The following CC2D2B variants were observed in gnomAD, a reference collection of about 807,000 sequenced individuals.
CC2D2B encodes protein CC2D2B.
Under a neutral mutation model 161.2 loss-of-function variants are expected in CC2D2B, and 128 were observed. That is an observed-to-expected ratio of 0.79 (90% CI 0.69 to 0.92). The LOEUF (loss-of-function observed/expected upper bound fraction) is 0.92, where lower values mean the gene tolerates loss of function less well. CC2D2B is among the 40% of genes least tolerant of loss of function. CC2D2B has a pLI of 0.00. For synonymous variants in CC2D2B, 391 were observed against 449.8 expected, an observed-to-expected ratio of 0.87 and a Z score of 1.65; for missense variants, 1,173 against 1,375.1, an observed-to-expected ratio of 0.85 and a Z score of 2.32.
intron 1 of CC2D2B, among the ~76,000 whole-genome samples, chr10:95,908,790 T>C (rs915572974): frequency 1.0e-4 from 10 of 100,272 alleles, no homozygotes; most frequent in African/African-American, 3.0e-4. Context: ...AGTACTTGTT[T>C]AGAGCTTCTG....
At chr10:96,004,859 T>C (rs1480933971) in intron 25 of CC2D2B, among the ~76,000 whole-genome samples, 1 of 152,196 alleles carries the variant, frequency 6.6e-6, no homozygotes, top group Non-Finnish European at 1.5e-5. Context: ...TTCCAAATTC[T>C]ATGGCAATGC....
At chr10:95,988,595 C>T (rs1179210305) in intron 20 of CC2D2B, among the ~76,000 whole-genome samples, 3 of 152,152 alleles carry the variant, frequency 2.0e-5, no homozygotes, top group Non-Finnish European at 2.9e-5. Context: ...AAAGACTTCC[C>T]ATCTCTTCTT....
intron 11 of CC2D2B, among the ~76,000 whole-genome samples, chr10:95,955,788 A>G (rs2141376915): frequency 6.6e-6 from 1 of 152,314 alleles, no homozygotes; most frequent in East Asian, 1.9e-4. Context: ...GTGTTAGTAT[A>G]TATTTGAGAA....
At chr10:96,024,788 C>A in intron 32 of CC2D2B, 65 bp from the exon 33 acceptor site, 1 of 941,836 alleles carries the variant, frequency 1.1e-6, no homozygotes, top group Non-Finnish European at 1.6e-6. Flanking sequence ...AGCTGGCATT[C>A]CAGGAGTGAC....
At chr10:95,913,890 C>T (rs2098511047) in intron 2 of CC2D2B, among the ~76,000 whole-genome samples, 1 of 152,082 alleles carries the variant, frequency 6.6e-6, no homozygotes, top group South Asian at 2.1e-4. Context: ...ACATAGTTTG[C>T]ATATATTTTC....
intron 25 of CC2D2B, 104 bp downstream of exon 25, chr10:96,004,352 A>T: frequency 1.6e-6 from 1 of 620,704 alleles, no homozygotes; most frequent in Non-Finnish European, 2.8e-6. Context: ...TGCAATGTCT[A>T]CATCCAACAT....
At chr10:95,989,873 C>T (rs1227636083) in intron 20 of CC2D2B, among the ~76,000 whole-genome samples, 1 of 152,144 alleles carries the variant, frequency 6.6e-6, no homozygotes, top group African/African-American at 2.4e-5. Flanking sequence ...AAGTTTGCTT[C>T]TGGAGGCCTA....
chr10:95,956,233 G>T (rs2141379325), intron 11 of CC2D2B, among the ~76,000 whole-genome samples: 1 of 152,182 alleles, frequency 6.6e-6, no homozygotes, highest in East Asian at 1.9e-4. Context: ...ATTATTCAAA[G>T]ATATAACATT....
chr10:95,924,438 G>C, intron 4 of CC2D2B, 48 bp downstream of exon 4: 3 of 1,017,014 alleles, frequency 2.9e-6, no homozygotes, highest in Non-Finnish European at 4.3e-6. Flanking sequence ...ATTTAAATGA[G>C]ACATTTAACA....
At position 95,994,984 on chromosome 10, in the gene CC2D2B, G is replaced by A. The variant is rs533400425; in HGVS notation, c.2643-285G>A. Among the ~76,000 whole-genome samples the A allele has an allele frequency of 1.9e-4, 29 of 152,180 alleles. No individual in the cohort carries two copies. The South Asian group carries it at 3.3e-3, about 17-fold the overall frequency. The stretch of plus-strand genomic sequence containing the variant: ...ATATATATTTTAATTGACATCCATC[G>A]TGAATAACTTGCCTTTTCTTCCCCT... On this transcript the variant is annotated intron_variant, in intron 22 of 34. Transcript: ENST00000646931.
intron 9 of CC2D2B, among the ~76,000 whole-genome samples, chr10:95,946,292 C>T (rs1172576176): frequency 6.6e-6 from 1 of 152,050 alleles, no homozygotes; most frequent in African/African-American, 2.4e-5. Flanking sequence ...GATATTCCAC[C>T]ACCTCATTTA....
chr10:95,965,794 T>A, intron 12 of CC2D2B, 102 bp from the exon 13 acceptor site: 1 of 333,814 alleles, frequency 3.0e-6, no homozygotes, highest in Non-Finnish European at 4.8e-6. Context: ...TTTGTGTGTG[T>A]GTGTGTGTGT....
At chr10:96,029,738 T>A (rs2079985557) in intron 34 of CC2D2B, among the ~76,000 whole-genome samples, 1 of 151,988 alleles carries the variant, frequency 6.6e-6, no homozygotes, top group African/African-American at 2.4e-5. Flanking sequence ...CCTCACACAA[T>A]AGTTAGGTAT....
intron 10 of CC2D2B, chr10:95,950,589 C>G (rs1179363426): frequency 6.6e-6 from 1 of 152,178 alleles, no homozygotes; most frequent in Non-Finnish European, 1.5e-5. Flanking sequence ...CTCATTTAAA[C>G]TCTCTGCTAG....
In CC2D2B at chr10:95,938,195, A is replaced by G. The variant is rs2075893969; in HGVS notation, c.535+6A>G. The G allele has an allele frequency of 6.6e-7, 1 of 1,525,092 alleles. No homozygotes were observed. Among genetic ancestry groups the G allele is most frequent in the Non-Finnish European group, 8.9e-7 (1 of 1,124,650 alleles). 94.5% of individuals were successfully genotyped at this position (1,525,092 alleles called of 1,614,324 possible). A position where few individuals can be genotyped will look rare whatever the true frequency, so the allele number is the denominator to read the frequency against. On this transcript the variant is annotated splice_donor_region_variant and intron_variant, in intron 7 of 34. Transcript: ENST00000646931. ...TGTACCAAGTAGTTCTCCAGGTAAC[A>G]TTCTTTCCCAGTAAAATATTCAAGT...
chr10:95,940,469 A>G (rs1383289921), intron 9 of CC2D2B, among the ~76,000 whole-genome samples: 2 of 152,056 alleles, frequency 1.3e-5, no homozygotes, highest in African/African-American at 2.4e-5. Flanking sequence ...AAGTGTGCTT[A>G]CTCCAGGTCC....
chr10:96,025,168 T>TATAAAAAAA (rs2079658721), intron 33 of CC2D2B, among the ~76,000 whole-genome samples: 1 of 12,514 alleles, frequency 8.0e-5, no homozygotes, highest in South Asian at 2.3e-3. Flanking sequence ...TATATATATA[T>TATAAAAAAA]ATATATATAT....
chr10:95,982,245 G>A (rs1564638078), intron 18 of CC2D2B, 132 bp downstream of exon 18: 2 of 511,134 alleles, frequency 3.9e-6, no homozygotes, highest in Non-Finnish European at 6.0e-6. Context: ...TAAATCTGAG[G>A]ACAGAGACCA....
At chr10:95,914,451 C>T (rs1362325675) in intron 2 of CC2D2B, among the ~76,000 whole-genome samples, 1 of 152,042 alleles carries the variant, frequency 6.6e-6, no homozygotes, top group Non-Finnish European at 1.5e-5. Context: ...AATTTGAAGT[C>T]AGTGATATGG....
Sources: gnomAD v4.1 joint callset for allele counts (sites outside exome capture counted in the v4.1 genomes callset) on GRCh38, gnomAD v4.1.1 for gene constraint, MANE v1.5 for transcripts, NCBI Gene and HGNC (gene_info 2026-07-23, HGNC 2026-07-21) for gene names.